The following SPHKAP variants were observed in gnomAD, a reference collection of about 807,000 sequenced individuals.
SPHKAP encodes SPHK1 interactor, AKAP domain containing.
Under a neutral mutation model 137.5 loss-of-function variants are expected in SPHKAP, and 67 were observed. The ratio of observed to expected loss-of-function variants is 0.49; its 90% CI spans 0.40 to 0.60. The LOEUF is 0.60. SPHKAP is among the 20% of genes least tolerant of loss of function. The pLI, the probability that SPHKAP is intolerant of heterozygous loss-of-function variation, is 0.00. For missense variants in SPHKAP, 2,097 were observed against 2,069.3 expected, an observed-to-expected ratio of 1.01 and a Z score of -0.26; for synonymous variants, 813 against 785.3, an observed-to-expected ratio of 1.04 and a Z score of -0.59.
chr2:228,080,070 T>G (rs113945472), intron 3 of SPHKAP, among the ~76,000 whole-genome samples: 11 of 149,982 alleles, frequency 7.3e-5, no homozygotes, highest in Non-Finnish European at 1.0e-4. Flanking sequence ...GTAACAATGT[T>G]TTTTTTTTTA....
At chr2:228,076,364 C>G (rs985393915) in intron 3 of SPHKAP, among the ~76,000 whole-genome samples, 2 of 151,982 alleles carry the variant, frequency 1.3e-5, no homozygotes, top group Non-Finnish European at 2.9e-5. Context: ...GAGGTTGGAA[C>G]AGTTTGGAAG....
At chr2:228,000,483 T>TG (rs1372913965) in intron 7 of SPHKAP, among the ~76,000 whole-genome samples, 2 of 151,928 alleles carry the variant, frequency 1.3e-5, no homozygotes, top group African/African-American at 4.8e-5. Flanking sequence ...CCGGGCATGG[T>TG]GGTGGGCGCC....
chr2:228,111,627 G>A (rs1161460353), intron 2 of SPHKAP, among the ~76,000 whole-genome samples: 1 of 152,006 alleles, frequency 6.6e-6, no homozygotes, highest in Admixed American at 6.6e-5. Flanking sequence ...TTGAAGTTGT[G>A]CTAAAATTTT....
intron 11 of SPHKAP, among the ~76,000 whole-genome samples, chr2:227,988,517 C>G (rs908190909): frequency 6.6e-6 from 1 of 152,178 alleles, no homozygotes; most frequent in African/African-American, 2.4e-5. Context: ...TTGTGAGACA[C>G]CTCTTACCCT....
chr2:228,014,922 T>G (rs1413588168), intron 7 of SPHKAP, among the ~76,000 whole-genome samples: 16 of 152,110 alleles, frequency 1.1e-4, no homozygotes, highest in African/African-American at 3.4e-4. Context: ...AAATTTAATT[T>G]TATTATTATT....
rs1694782098 is a variant in SPHKAP at position 228,020,122 on chromosome 2, C to T, written c.732G>A (p.Leu244=). Residue 244 remains leucine (L), a synonymous_variant, in exon 7 of 12, where the codon TTG becomes TTA. Coordinates refer to ENST00000392056, the MANE Select transcript of SPHKAP (RefSeq NM_001142644.2). ...YENINVSANV[L]ESKQLKGATQ... ...TGGCTCCCTTTAGCTGTTTACTTTC[C>T]AAAACATTGGCTGAGACATTTATAT... 6.2e-7 allele frequency: 1 copy of T among 1,609,660 alleles called. No individual in the cohort carries two copies. The highest frequency in any genetic ancestry group is 1.3e-5 in the African/African-American group (1 of 74,570).
At chr2:228,045,826 T>A (rs1696027312) in intron 3 of SPHKAP, among the ~76,000 whole-genome samples, 1 of 152,052 alleles carries the variant, frequency 6.6e-6, no homozygotes, top group Non-Finnish European at 1.5e-5. Flanking sequence ...AAAAGATAAG[T>A]ACTGTATTAA....
chr2:228,075,002 G>C (rs1301986781), intron 3 of SPHKAP, among the ~76,000 whole-genome samples: 1 of 152,154 alleles, frequency 6.6e-6, no homozygotes, highest in Non-Finnish European at 1.5e-5. Context: ...AGGAAGGGGA[G>C]GAAGAAGAGG....
chr2:228,155,808 G>A (rs1485108096), intron 1 of SPHKAP, among the ~76,000 whole-genome samples: 2 of 152,170 alleles, frequency 1.3e-5, no homozygotes, highest in African/African-American at 4.8e-5. Context: ...ATATCTTTGA[G>A]AGAAATCCTA....
At chr2:227,983,729 A>T (rs1021520242) in intron 11 of SPHKAP, among the ~76,000 whole-genome samples, 2 of 152,214 alleles carry the variant, frequency 1.3e-5, no homozygotes, top group Non-Finnish European at 2.9e-5. Flanking sequence ...ATATAATTTC[A>T]ACAGGCATAT....
chr2:227,990,770 T>G (rs937344844), intron 11 of SPHKAP: 1 of 445,408 alleles, frequency 2.2e-6, no homozygotes, highest in African/African-American at 2.0e-5. Flanking sequence ...CCCCTCAATT[T>G]ACTTTTCTCA....
In SPHKAP at chr2:228,035,568, C is replaced by T. The variant is rs551085264; in HGVS notation, c.247-8025G>A. 2.1e-3 allele frequency among the ~76,000 whole-genome samples: 317 copies of T among 152,202 alleles called. 2 individuals carry two copies. The highest frequency in any genetic ancestry group is 0.014 in the Middle Eastern group (4 of 294). On this transcript the variant is annotated intron_variant, in intron 3 of 11. Transcript: ENST00000392056. The stretch of plus-strand genomic sequence containing the variant: ...TATGGAACAAAAAAAGAGCCTGTAT[C>T]GCCAAGTCAATCCTAAGCCAAAGGA...
At chr2:228,027,625 G>T in intron 3 of SPHKAP, 82 bp from the exon 4 acceptor site, 4 of 1,388,616 alleles carry the variant, frequency 2.9e-6, no homozygotes, top group Non-Finnish European at 4.0e-6. Context: ...GAATCAGTTG[G>T]GGCAAATGCT....
chr2:228,088,316 T>G (rs1414421947), intron 3 of SPHKAP, among the ~76,000 whole-genome samples: 1 of 152,194 alleles, frequency 6.6e-6, no homozygotes, highest in Non-Finnish European at 1.5e-5. Flanking sequence ...CATTTCTATC[T>G]TTCTAGAAAT....
chr2:228,043,459 T>C (rs938075224), intron 3 of SPHKAP, among the ~76,000 whole-genome samples: 6 of 152,184 alleles, frequency 3.9e-5, no homozygotes. Context: ...CCCGAGTAGC[T>C]GGGACTACAG....
In SPHKAP at chr2:228,146,546, A is replaced by AT. The variant is rs1199294662; in HGVS notation, c.33-14462dup. Among the ~76,000 whole-genome samples, 11 of 152,132 alleles carry AT rather than the reference A, an allele frequency of 7.2e-5. No individual in the cohort carries two copies. The South Asian group carries it at 8.3e-4, about 11-fold the overall frequency. On this transcript the variant is annotated intron_variant, in intron 1 of 11. Transcript: ENST00000392056. ...GTATTAAGCCCAGCACCCAATAGTTATTTTTTCTGCTGCTTTTCCTCCTCC... is the reference window on the plus strand; with the variant it reads ...GTATTAAGCCCAGCACCCAATAGTTATTTTTTTCTGCTGCTTTTCCTCCTCC...
intron 7 of SPHKAP, among the ~76,000 whole-genome samples, chr2:227,999,346 C>G (rs1054285694): frequency 6.6e-6 from 1 of 152,070 alleles, no homozygotes; most frequent in African/African-American, 2.4e-5. Context: ...GAGAATGGTG[C>G]AGCCAAAGAG....
At chr2:228,032,550 G>T (rs528875117) in intron 3 of SPHKAP, among the ~76,000 whole-genome samples, 7 of 152,052 alleles carry the variant, frequency 4.6e-5, no homozygotes, top group Admixed American at 2.6e-4. Context: ...GATACTCCTC[G>T]AGAAGAGCAA....
intron 1 of SPHKAP, chr2:228,173,132 A>G (rs1195129714): frequency 1.7e-5 from 15 of 883,378 alleles, no homozygotes; most frequent in African/African-American, 3.6e-5. Context: ...TGACTCACGT[A>G]TGGCAGAGGA....
Sources: allele counts gnomAD v4.1 joint callset (sites outside exome capture counted in the v4.1 genomes callset), GRCh38; gene constraint gnomAD v4.1.1; transcripts MANE v1.5; gene names NCBI Gene and HGNC (gene_info 2026-07-23, HGNC 2026-07-21).